Variants in SHTN1 observed in about 807,000 individuals in gnomAD.
The protein encoded by SHTN1 is shootin-1.
SHTN1 carries 42 observed loss-of-function variants against 83.1 expected under a neutral mutation model. The observed-to-expected ratio is 0.51, with a 90% CI of 0.39 to 0.65. The LOEUF (loss-of-function observed/expected upper bound fraction) is 0.65. Among genes scored for constraint, SHTN1 ranks in the 30% least tolerant of loss-of-function variants. The pLI is 0.00. For missense variants in SHTN1, 622 were observed against 737.8 expected, an observed-to-expected ratio of 0.84 and a Z score of 1.82; for synonymous variants, 224 against 247.7, an observed-to-expected ratio of 0.90 and a Z score of 0.90.
At chr10:117,066,574 T>G in intron 1 of SHTN1, among the ~76,000 whole-genome samples, 1 of 152,194 alleles carries the variant, frequency 6.6e-6, no homozygotes, top group Non-Finnish European at 1.5e-5. Context: ...ATGTGAATAG[T>G]TACTACAAAA....
At chr10:116,923,959 T>G (rs1848649949) in intron 11 of SHTN1, among the ~76,000 whole-genome samples, 1 of 152,152 alleles carries the variant, frequency 6.6e-6, no homozygotes, top group Non-Finnish European at 1.5e-5. Flanking sequence ...ATTCCCAAAC[T>G]CACTGGATAA....
At chr10:117,019,216 C>G (rs963218512) in intron 2 of SHTN1, among the ~76,000 whole-genome samples, 7 of 151,098 alleles carry the variant, frequency 4.6e-5, no homozygotes, top group Non-Finnish European at 1.0e-4. Context: ...GAGACTAGAT[C>G]TCACTCTGCC....
At chr10:116,921,354 G>T in intron 12 of SHTN1, 80 bp downstream of exon 12, 1 of 985,522 alleles carries the variant, frequency 1.0e-6, no homozygotes. Context: ...CATGTTTATA[G>T]TCAAAGAACT....
intron 6 of SHTN1, 35 bp downstream of exon 6, chr10:116,951,874 C>T (rs749522158): frequency 1.6e-6 from 2 of 1,245,274 alleles, no homozygotes; most frequent in Middle Eastern, 1.9e-4. Context: ...CTTGAAAATG[C>T]TAAAGCCCTT....
rs776683897 is a variant in SHTN1, at chr10:117,068,613, GA to G, written c.-188-20104del. Among the ~76,000 whole-genome samples the G allele has an allele frequency of 3.3e-3, 428 of 130,896 alleles. 3 individuals are homozygous for G. The highest frequency in any genetic ancestry group is 0.026 in the South Asian group (106 of 4,138). 85.9% of individuals were successfully genotyped at this position (130,896 alleles called of 152,430 possible). A position where few individuals can be genotyped will look rare whatever the true frequency, so the allele number is the denominator to read the frequency against. On this transcript the variant is annotated intron_variant, in intron 1 of 17. Transcript: ENST00000392901. Reference sequence around the variant, plus strand: ...ATGGTGACAGAGTGAGACTCCATCTGAAAAAAAAAAAAAGAGTCATCAATTT... The same window carrying G: ...ATGGTGACAGAGTGAGACTCCATCTGAAAAAAAAAAAAGAGTCATCAATTT...
intron 11 of SHTN1, among the ~76,000 whole-genome samples, chr10:116,925,959 A>G (rs1848729813): frequency 6.6e-6 from 1 of 152,148 alleles, no homozygotes; most frequent in Non-Finnish European, 1.5e-5. Flanking sequence ...CAAACTCAAT[A>G]CATGTGCAAA....
chr10:116,894,911 A>G (rs1048725410), intron 16 of SHTN1, among the ~76,000 whole-genome samples: 3 of 152,204 alleles, frequency 2.0e-5, no homozygotes, highest in African/African-American at 7.2e-5. Flanking sequence ...ATGCAGACAC[A>G]TTTTAAGATC....
rs1467728747 is a variant in SHTN1, at chr10:117,043,357, T to TA, written c.-123+5087dup. On this transcript the variant is annotated intron_variant, in intron 2 of 17. Coordinates refer to the SHTN1 transcript ENST00000392901. ...CACCATGTTAGCCAGGATGGATCTT[T>TA]ATTGTTTAATGGGTACAGATATGTT... Among the ~76,000 whole-genome samples, 3 of 152,088 alleles carry TA rather than the reference T, an allele frequency of 2.0e-5. No individual in the cohort carries two copies. The East Asian group carries it at 5.8e-4, about 29-fold the overall frequency.
At position 116,901,968 on chromosome 10, in the gene SHTN1, A is replaced by G. The variant is rs1165706050; in HGVS notation, c.1481-11T>C. On this transcript the variant is annotated splice_polypyrimidine_tract_variant and intron_variant, in intron 15 of 16. Coordinates refer to ENST00000355371, the MANE Select transcript of SHTN1 (RefSeq NM_001127211.3). ...ATATCCCAGTTGGACCTTAAAACCAAACACATACCTCAAGTTTAATAATTC... is the reference window on the plus strand; with the variant it reads ...ATATCCCAGTTGGACCTTAAAACCAGACACATACCTCAAGTTTAATAATTC... The G allele has an allele frequency of 1.9e-6, 3 of 1,576,110 alleles. No homozygotes were observed. The African/African-American group carries it at 4.1e-5, about 22-fold the overall frequency.
chr10:116,977,682 G>GTGTC (rs772736409), intron 2 of SHTN1, among the ~76,000 whole-genome samples: 4 of 151,686 alleles, frequency 2.6e-5, no homozygotes, highest in Non-Finnish European at 5.9e-5. Context: ...GTGTGTGTGT[G>GTGTC]TGTGTGTTTT....
At chr10:116,979,048 A>G (rs1412449166) in intron 2 of SHTN1, among the ~76,000 whole-genome samples, 5 of 152,150 alleles carry the variant, frequency 3.3e-5, no homozygotes, top group Admixed American at 3.3e-4. Flanking sequence ...CCAGAGCTGC[A>G]CCCACTGTGG....
chr10:117,078,135 G>A (rs573453829), intron 1 of SHTN1, among the ~76,000 whole-genome samples: 1 of 152,294 alleles, frequency 6.6e-6, no homozygotes, highest in Admixed American at 6.5e-5. Context: ...CTGCAGACAA[G>A]AGCAGAGCTT....
At chr10:117,085,918 ATTTTT>A (rs35586223) in intron 1 of SHTN1, among the ~76,000 whole-genome samples, 6 of 121,108 alleles carry the variant, frequency 5.0e-5, no homozygotes, top group African/African-American at 9.7e-5. Flanking sequence ...GCTTTGTCTG[ATTTTT>A]TTTTTTTTTT....
intron 2 of SHTN1, among the ~76,000 whole-genome samples, chr10:117,036,080 A>G (rs1055785831): frequency 6.6e-6 from 1 of 152,172 alleles, no homozygotes; most frequent in African/African-American, 2.4e-5. Context: ...CAAAACTACA[A>G]TAAGATTTCA....
At chr10:116,894,853 G>A (rs912703157) in intron 16 of SHTN1, among the ~76,000 whole-genome samples, 2 of 152,196 alleles carry the variant, frequency 1.3e-5, no homozygotes, top group Non-Finnish European at 2.9e-5. Context: ...GGGGAGAAAA[G>A]CAAGAGGGCA....
intron 9 of SHTN1, among the ~76,000 whole-genome samples, chr10:116,936,056 T>C (rs563856747): frequency 6.6e-6 from 1 of 152,238 alleles, no homozygotes; most frequent in Admixed American, 6.5e-5. Context: ...TCTTCTCTCT[T>C]TTCTTCTTTA....
intron 1 of SHTN1, among the ~76,000 whole-genome samples, chr10:116,994,161 T>C (rs370479026): frequency 1.3e-5 from 2 of 152,108 alleles, no homozygotes; most frequent in Admixed American, 1.3e-4. Flanking sequence ...AAATAAGATA[T>C]ATTTTTGGTG....
chr10:116,881,753 G>A lies in SHTN1; in HGVS notation c.*4591C>T. On this transcript the variant is annotated 3_prime_UTR_variant, in exon 17 of 17. Transcript: ENST00000355371. ...AAGTACGGCGCCGTGTCTCCACATG[G>A]AGTTTCCTCTTCAACTTCACCAACT... 9.4e-7 allele frequency: 1 copy of A among 1,068,430 alleles called. No individual in the cohort carries two copies. Among genetic ancestry groups the A allele is most frequent in the South Asian group, 3.5e-5 (1 of 28,238 alleles). 66.2% of individuals were successfully genotyped at this position (1,068,430 alleles called of 1,614,324 possible).
intron 1 of SHTN1, among the ~76,000 whole-genome samples, chr10:117,087,435 G>A (rs1418707670): frequency 1.3e-5 from 2 of 152,122 alleles, no homozygotes; most frequent in African/African-American, 2.4e-5. Context: ...AGAATAAAAA[G>A]CCACCACATA....
Sources: gnomAD v4.1 joint callset for allele counts (sites outside exome capture counted in the v4.1 genomes callset) on GRCh38, gnomAD v4.1.1 for gene constraint, MANE v1.5 for transcripts, NCBI Gene and HGNC (gene_info 2026-07-23, HGNC 2026-07-21) for gene names.